HCN1: variants seen among roughly 807,000 people sequenced by gnomAD.
HCN1 encodes hyperpolarization activated cyclic nucleotide gated potassium channel 1.
A neutral mutation model predicts 78.9 loss-of-function variants in HCN1; 13 were observed. The ratio of observed to expected loss-of-function variants is 0.16; its 90% CI spans 0.11 to 0.26. The LOEUF (loss-of-function observed/expected upper bound fraction) is 0.26. Ranked by LOEUF, HCN1 falls within the 10% of genes least tolerant of loss-of-function variation. HCN1 has a pLI of 1.00. For synonymous variants in HCN1, 552 were observed against 455.5 expected, an observed-to-expected ratio of 1.21 and a Z score of -2.70; for missense variants, 810 against 1,154.3, an observed-to-expected ratio of 0.70 and a Z score of 4.32.
At chr5:45,494,960 T>C (rs1579929811) in intron 2 of HCN1, among the ~76,000 whole-genome samples, 1 of 146,926 alleles carries the variant, frequency 6.8e-6, no homozygotes, top group Admixed American at 6.8e-5. Context: ...TTGATCTATA[T>C]CTCTGTTTTG....
At chr5:45,325,860 T>G (rs1427888168) in intron 5 of HCN1, among the ~76,000 whole-genome samples, 1 of 151,658 alleles carries the variant, frequency 6.6e-6, no homozygotes, top group Admixed American at 6.6e-5. Context: ...ATCTGTCTTA[T>G]TTTTTAAAGA....
intron 4 of HCN1, among the ~76,000 whole-genome samples, chr5:45,374,000 A>G (rs1579851044): frequency 2.8e-5 from 3 of 109,010 alleles, no homozygotes; most frequent in South Asian, 4.7e-4. Context: ...TATAATATAT[A>G]TTATATACAT....
chr5:45,262,005 T>A lies in HCN1; in HGVS notation c.2589A>T (p.Pro863=), dbSNP rs758086283. The change falls in exon 8 of 8, where the codon CCA becomes CCT. Residue 863 remains proline, a synonymous_variant. Coordinates refer to ENST00000303230, the MANE Select transcript of HCN1 (RefSeq NM_021072.4). The part of the protein sequence containing the change: ...NRGVPPAPPP[P]AAALPRESSS... ...AAGATTCTCTTGGAAGAGCAGCTGC[T>A]GGTGGAGGGGGTGCTGGAGGGACTC... The A allele has an allele frequency of 6.2e-7, 1 of 1,613,918 alleles. No individual in the cohort carries two copies. The highest frequency in any genetic ancestry group is 8.5e-7 in the Non-Finnish European group (1 of 1,179,946).
At chr5:45,535,304 A>C (rs1265942136) in intron 2 of HCN1, among the ~76,000 whole-genome samples, 2 of 152,188 alleles carry the variant, frequency 1.3e-5, no homozygotes, top group African/African-American at 4.8e-5. Context: ...TGAGAAATAT[A>C]ATAGAGAAGC....
chr5:45,632,004 T>C (rs1446095860), intron 2 of HCN1, among the ~76,000 whole-genome samples: 1 of 152,160 alleles, frequency 6.6e-6, no homozygotes, highest in Admixed American at 6.6e-5. Flanking sequence ...GTAAGATACT[T>C]TGCCAATTTG....
Position 45,404,108 on chromosome 5 carries a change from T to G in HCN1, c.1012-7398A>C, listed in dbSNP as rs182608907. 1.2e-3 allele frequency among the ~76,000 whole-genome samples: 177 copies of G among 152,298 alleles called. 1 individual carries two copies. In the Middle Eastern group the frequency reaches 0.014, roughly 12 times the overall value. ...TGAATGATGGCTTGAATGGGAGATT[T>G]AGGCTATCATCTGAGAAAGTTTTGT... On this transcript the variant is annotated intron_variant, in intron 3 of 7. Transcript: ENST00000303230.
chr5:45,326,264 T>A (rs958212283), intron 5 of HCN1, among the ~76,000 whole-genome samples: 1 of 151,676 alleles, frequency 6.6e-6, no homozygotes, highest in Admixed American at 6.6e-5. Context: ...AAAATGTATA[T>A]CTTTATTGTC....
At chr5:45,264,673 A>G (rs901449949) in intron 7 of HCN1, among the ~76,000 whole-genome samples, 2 of 152,220 alleles carry the variant, frequency 1.3e-5, no homozygotes, top group African/African-American at 4.8e-5. Flanking sequence ...TGCAGCATAC[A>G]TCTATATGCA....
Position 45,645,879 on chromosome 5 carries a change from C to T in HCN1, c.426-271G>A, listed in dbSNP as rs1324081601. Among the ~76,000 whole-genome samples, 3 of 151,860 alleles carry T rather than the reference C, an allele frequency of 2.0e-5. 1 individual carries two copies. Among genetic ancestry groups the T allele is most frequent in the East Asian group, 1.9e-4 (1 of 5,192 alleles). On this transcript the variant is annotated intron_variant, in intron 1 of 7. Coordinates refer to ENST00000303230, the MANE Select transcript of HCN1 (RefSeq NM_021072.4). ...ATAAAATCAAAAACATTCATACCCCCATTTATTTAGTAAAGAGGCAAAAAA... is the reference window on the plus strand; with the variant it reads ...ATAAAATCAAAAACATTCATACCCCTATTTATTTAGTAAAGAGGCAAAAAA...
intron 3 of HCN1, among the ~76,000 whole-genome samples, chr5:45,449,258 A>G (rs1309963615): frequency 6.6e-6 from 1 of 152,226 alleles, no homozygotes; most frequent in Non-Finnish European, 1.5e-5. Flanking sequence ...TAGCTAGCAT[A>G]AGAGAACCAG....
At chr5:45,495,914 C>T (rs1033134938) in intron 2 of HCN1, among the ~76,000 whole-genome samples, 16 of 151,978 alleles carry the variant, frequency 1.1e-4, no homozygotes, top group South Asian at 8.3e-4. Context: ...TATTGATTTG[C>T]GTATATTGAA....
rs1378792577 is a variant in HCN1 at position 45,402,251 on chromosome 5, G to C, written c.1012-5541C>G. 2.6e-5 allele frequency among the ~76,000 whole-genome samples: 4 copies of C among 152,146 alleles called. No homozygotes were observed. The East Asian group carries it at 7.7e-4, about 29-fold the overall frequency. ...AAACGGGAAGCCAATGAAAACTTGT[G>C]AGCAGAGAATGATATGATCTAAACC... On this transcript the variant is annotated intron_variant, in intron 3 of 7. Coordinates refer to ENST00000303230, the MANE Select transcript of HCN1 (RefSeq NM_021072.4).
chr5:45,652,828 C>A (rs1745702968), intron 1 of HCN1, among the ~76,000 whole-genome samples: 1 of 151,946 alleles, frequency 6.6e-6, no homozygotes, highest in Admixed American at 6.6e-5. Flanking sequence ...TCTCTCTGCC[C>A]AGCTCTGGCA....
chr5:45,291,541 T>A (rs184821617), intron 6 of HCN1, among the ~76,000 whole-genome samples: 2 of 152,088 alleles, frequency 1.3e-5, no homozygotes, highest in East Asian at 3.9e-4. Flanking sequence ...GCTTTCTCTC[T>A]TTTTTATTTT....
At chr5:45,264,056 G>A (rs531362784) in intron 7 of HCN1, among the ~76,000 whole-genome samples, 1 of 152,334 alleles carries the variant, frequency 6.6e-6, no homozygotes, top group South Asian at 2.1e-4. Flanking sequence ...GCCTCCCAAA[G>A]TGCTGGGATT....
chr5:45,499,251 G>A (rs142758392), intron 2 of HCN1, among the ~76,000 whole-genome samples: 136 of 152,264 alleles, frequency 8.9e-4, no homozygotes, highest in Admixed American at 1.4e-3. Flanking sequence ...GCGCATGCAC[G>A]TAGGCCCCTC....
intron 3 of HCN1, among the ~76,000 whole-genome samples, chr5:45,427,573 T>C (rs1007959009): frequency 4.6e-5 from 7 of 152,248 alleles, no homozygotes; most frequent in Non-Finnish European, 1.0e-4. Context: ...AGGTGTTTTG[T>C]TAGATGTGAC....
chr5:45,411,833 C>T (rs1740030330), intron 3 of HCN1, among the ~76,000 whole-genome samples: 3 of 152,008 alleles, frequency 2.0e-5, no homozygotes, highest in Admixed American at 2.0e-4. Flanking sequence ...CAACAGTTCC[C>T]ACAATTCTGA....
At chr5:45,332,778 G>A (rs1017411892) in intron 5 of HCN1, among the ~76,000 whole-genome samples, 3 of 151,514 alleles carry the variant, frequency 2.0e-5, no homozygotes, top group Admixed American at 6.6e-5. Context: ...ACTTAGCAGA[G>A]TGACCTCCTG....
Sources: gnomAD v4.1 joint callset for allele counts (sites outside exome capture counted in the v4.1 genomes callset) on GRCh38, gnomAD v4.1.1 for gene constraint, MANE v1.5 for transcripts, NCBI Gene and HGNC (gene_info 2026-07-23, HGNC 2026-07-21) for gene names.